The following HLF variants were observed in gnomAD, a reference collection of about 807,000 sequenced individuals.
The protein encoded by HLF is HLF transcription factor, PAR bZIP family member.
HLF carries 3 observed loss-of-function variants against 22.6 expected under a neutral mutation model. The ratio of observed to expected loss-of-function variants is 0.13; its 90% confidence interval spans 0.06 to 0.34. The LOEUF is 0.34. Ranked by LOEUF, HLF falls within the 10% of genes least tolerant of loss-of-function variation. The probability of loss-of-function intolerance (pLI) is 1.00; values close to 1 mark genes in which losing one functional copy is unlikely to be tolerated. For synonymous variants in HLF, 151 were observed against 151.8 expected (o/e 0.99, Z 0.04); for missense variants, 299 against 389.2 (o/e 0.77, Z 1.95).
intron 2 of HLF, among the ~76,000 whole-genome samples, chr17:55,293,992 T>C (rs1332467263): frequency 1.3e-5 from 2 of 152,196 alleles, no homozygotes; most frequent in Non-Finnish European, 2.9e-5. Context: ...GGGTAGTTTT[T>C]AACACAGGTT....
At chr17:55,296,898 G>A (rs2145341564) in intron 2 of HLF, among the ~76,000 whole-genome samples, 1 of 152,190 alleles carries the variant, frequency 6.6e-6, no homozygotes, top group Non-Finnish European at 1.5e-5. Flanking sequence ...GAGGTTGGAG[G>A]GGAGCTAAGT....
At chr17:55,288,358 G>C (rs2081025386) in intron 2 of HLF, among the ~76,000 whole-genome samples, 2 of 152,054 alleles carry the variant, frequency 1.3e-5, no homozygotes, top group Admixed American at 1.3e-4. Flanking sequence ...ATGGTGGCCA[G>C]GGTGGTCTCT....
chr17:55,269,541 A>G (rs2080832779), intron 2 of HLF, among the ~76,000 whole-genome samples: 1 of 152,218 alleles, frequency 6.6e-6, no homozygotes, highest in South Asian at 2.1e-4. Flanking sequence ...CTGTAGACTG[A>G]GAATCACCAC....
chr17:55,280,090 G>C (rs993263582), intron 2 of HLF, among the ~76,000 whole-genome samples: 1 of 152,190 alleles, frequency 6.6e-6, no homozygotes, highest in Non-Finnish European at 1.5e-5. Context: ...TTAGAACAGT[G>C]CTCAGTATAT....
At position 55,305,290 on chromosome 17, in the gene HLF, C is replaced by A. The variant is rs77275776; in HGVS notation, c.452-9937C>A. 2.3e-4 allele frequency among the ~76,000 whole-genome samples: 35 copies of A among 152,278 alleles called. No individual in the cohort carries two copies. The East Asian group carries it at 6.8e-3, about 29-fold the overall frequency. The stretch of plus-strand genomic sequence containing the variant: ...AGTTGCTTTGTCAAATGCAATCTTG[C>A]CCTTGGCACAGCTCGCCATTCAGGA... On this transcript the variant is annotated intron_variant, in intron 2 of 3. Coordinates refer to ENST00000226067, the MANE Select transcript of HLF (RefSeq NM_002126.5).
intron 2 of HLF, chr17:55,289,074 G>A: frequency 3.8e-6 from 1 of 264,444 alleles, no homozygotes; most frequent in Non-Finnish European, 5.9e-6. Flanking sequence ...ATGTTTCTTT[G>A]GTTAATAGAT....
In HLF at chr17:55,265,419, A is replaced by G. The variant is rs146790991; in HGVS notation, c.-66A>G. 0.018 allele frequency: 17,096 copies of G among 951,600 alleles called. 196 individuals carry two copies. Among genetic ancestry groups the G allele is most frequent in the Non-Finnish European group, 0.022 (13,275 of 610,892 alleles). 58.9% of individuals were successfully genotyped at this position (951,600 alleles called of 1,614,324 possible). A position where few individuals can be genotyped will look rare whatever the true frequency, so the allele number is the denominator to read the frequency against. ...AAGGACGGAGGAAAAGCTCAGCAAC[A>G]TTTTAGGGGGCGGTTGTTTCTTTCT... On this transcript the variant is annotated 5_prime_UTR_variant, in exon 1 of 4. Coordinates refer to ENST00000226067, the MANE Select transcript of HLF (RefSeq NM_002126.5).
At chr17:55,311,814 G>C (rs1904843519) in intron 2 of HLF, among the ~76,000 whole-genome samples, 1 of 152,128 alleles carries the variant, frequency 6.6e-6, no homozygotes, top group African/African-American at 2.4e-5. Flanking sequence ...TTCACACCTT[G>C]CCCCACTCAC....
In HLF at chr17:55,322,076, A is replaced by G. The variant is rs1257141312; in HGVS notation, c.*1197A>G. 4.8e-6 allele frequency: 1 copy of G among 209,982 alleles called. No homozygotes were observed. The highest frequency in any genetic ancestry group is 2.3e-5 in the African/African-American group (1 of 44,006). The allele number at this position is 209,982 out of a possible 1,614,324, so 13.0% of individuals were successfully genotyped here. A position where few individuals can be genotyped will look rare whatever the true frequency, so the allele number is the denominator to read the frequency against. On this transcript the variant is annotated 3_prime_UTR_variant, in exon 4 of 4. Coordinates refer to ENST00000226067, the MANE Select transcript of HLF (RefSeq NM_002126.5). ...TAAGGCCCTTTTTCCTAGTGGTGTC[A>G]TTTTTGAATGCCTCATAAATTAATG... is the stretch of plus-strand genomic sequence containing the variant.
At chr17:55,291,325 A>G (rs1206502617) in intron 2 of HLF, among the ~76,000 whole-genome samples, 1 of 152,216 alleles carries the variant, frequency 6.6e-6, no homozygotes, top group African/African-American at 2.4e-5. Flanking sequence ...GACTTTTGTT[A>G]GTGGGCAATG....
chr17:55,298,549 C>T (rs1366194933), intron 2 of HLF, among the ~76,000 whole-genome samples: 1 of 152,246 alleles, frequency 6.6e-6, no homozygotes, highest in Admixed American at 6.5e-5. Context: ...AATCTTAGTG[C>T]AAGCTGGAAA....
rs994238856 is a variant in HLF at position 55,322,356 on chromosome 17, T to C, written c.*1477T>C. The C allele has an allele frequency of 3.1e-5, 6 of 190,844 alleles. No homozygotes were observed. The highest frequency in any genetic ancestry group is 5.5e-5 in the Non-Finnish European group (5 of 90,810). The allele number at this position is 190,844 out of a possible 1,614,324, so 11.8% of individuals were successfully genotyped here. On this transcript the variant is annotated 3_prime_UTR_variant, in exon 4 of 4. Coordinates refer to ENST00000226067, the MANE Select transcript of HLF (RefSeq NM_002126.5). ...TACAGTATTTTTCAGATATAAATAC[T>C]GACAATGTATTTTGGAAGACATATA...
chr17:55,302,738 A>G (rs1904355443), intron 2 of HLF, among the ~76,000 whole-genome samples: 2 of 152,154 alleles, frequency 1.3e-5, no homozygotes, highest in Non-Finnish European at 2.9e-5. Context: ...AGGCCTGCAC[A>G]TTTTCACCAA....
At chr17:55,319,579 G>T (rs773811283) in intron 3 of HLF, among the ~76,000 whole-genome samples, 3 of 152,132 alleles carry the variant, frequency 2.0e-5, no homozygotes, top group Non-Finnish European at 4.4e-5. Flanking sequence ...GGCAGGGAAG[G>T]AGGGATTGTT....
intron 2 of HLF, among the ~76,000 whole-genome samples, chr17:55,301,923 T>C (rs1369326213): frequency 1.3e-5 from 2 of 152,330 alleles, no homozygotes; most frequent in Non-Finnish European, 2.9e-5. Context: ...CAAGAATAAT[T>C]TATTGCTAGA....
chr17:55,269,701 T>A (rs938529040), intron 2 of HLF, among the ~76,000 whole-genome samples: 1 of 152,176 alleles, frequency 6.6e-6, no homozygotes, highest in Non-Finnish European at 1.5e-5. Flanking sequence ...ATGAGTCTTC[T>A]ATTTGTGGAA....
intron 2 of HLF, among the ~76,000 whole-genome samples, chr17:55,289,640 T>A (rs564225554): frequency 5.3e-5 from 8 of 152,362 alleles, no homozygotes; most frequent in Non-Finnish European, 1.0e-4. Flanking sequence ...ACAATTTTTT[T>A]AAATGTGGCA....
chr17:55,287,662 T>G (rs1035359882), intron 2 of HLF, among the ~76,000 whole-genome samples: 4 of 152,246 alleles, frequency 2.6e-5, no homozygotes, highest in Admixed American at 1.3e-4. Context: ...GTTTGGCCTA[T>G]CCTCATACCA....
In HLF at chr17:55,288,209, G is replaced by A. The variant is rs374875644; in HGVS notation, c.451+20123G>A. 1.6e-4 allele frequency among the ~76,000 whole-genome samples: 25 copies of A among 152,024 alleles called. No homozygotes were observed. The East Asian group carries it at 3.3e-3, about 20-fold the overall frequency. On this transcript the variant is annotated intron_variant, in intron 2 of 3. Transcript: ENST00000226067. ...TTCACCCAGGCTGGAGTGCAGTGGCGCAATCTCAGCTCATGGTAACCTCTG... is the reference window on the plus strand; with the variant it reads ...TTCACCCAGGCTGGAGTGCAGTGGCACAATCTCAGCTCATGGTAACCTCTG...
Sources: allele counts gnomAD v4.1 joint callset (sites outside exome capture counted in the v4.1 genomes callset), GRCh38; gene constraint gnomAD v4.1.1; transcripts MANE v1.5; gene names NCBI Gene and HGNC (gene_info 2026-07-23, HGNC 2026-07-21).